Variants in COP1 observed in about 807,000 individuals in gnomAD.
The protein encoded by COP1 is E3 ubiquitin-protein ligase COP1.
COP1 carries 24 observed loss-of-function variants against 101.3 expected under a neutral mutation model. The ratio of observed to expected loss-of-function variants is 0.24; its 90% confidence interval spans 0.17 to 0.33. The LOEUF (loss-of-function observed/expected upper bound fraction) is 0.33, where lower values mean the gene tolerates loss of function less well. Among genes scored for constraint, COP1 ranks in the 10% least tolerant of loss-of-function variants. The pLI is 1.00. For missense variants in COP1, 663 were observed against 906.2 expected, an observed-to-expected ratio of 0.73 and a Z score of 3.45; for synonymous variants, 347 against 341.9, an observed-to-expected ratio of 1.01 and a Z score of -0.17.
At chr1:176,162,118 C>G (rs668154) in intron 5 of COP1, among the ~76,000 whole-genome samples, 41,964 of 152,082 alleles carry the variant, frequency 0.28, 6,786 homozygotes, top group East Asian at 0.52. Context: ...CAACAACATT[C>G]AAATCCCTAT....
At position 176,205,068 on chromosome 1, in the gene COP1, T is replaced by C. The variant is rs1448082663; in HGVS notation, c.407+1504A>G. ...TTGAATGACAATGATCGATTCCTTA[T>C]TCCTCACATCTTTTACTTTATTTTA... is the stretch of plus-strand genomic sequence containing the variant. On this transcript the variant is annotated intron_variant, in intron 1 of 19. Transcript: ENST00000367669. Among the ~76,000 whole-genome samples the C allele has an allele frequency of 4.6e-5, 7 of 152,246 alleles. No individual in the cohort carries two copies. In the South Asian group the frequency reaches 1.2e-3, roughly 27 times the overall value.
At chr1:175,971,625 T>C (rs951052931) in intron 18 of COP1, among the ~76,000 whole-genome samples, 1 of 152,188 alleles carries the variant, frequency 6.6e-6, no homozygotes, top group African/African-American at 2.4e-5. Context: ...CCTTGCCCTA[T>C]GCATCTCTTC....
At chr1:175,975,175 T>C (rs147055563) in intron 18 of COP1, among the ~76,000 whole-genome samples, 1 of 152,260 alleles carries the variant, frequency 6.6e-6, no homozygotes, top group East Asian at 1.9e-4. Flanking sequence ...ACATAGGATA[T>C]ATAAAAGCTT....
chr1:175,963,463 G>A (rs979124186), intron 18 of COP1, among the ~76,000 whole-genome samples: 2 of 152,048 alleles, frequency 1.3e-5, no homozygotes, highest in South Asian at 2.1e-4. Context: ...CAGCCAGCCC[G>A]ACCTGGGTTC....
chr1:176,027,027 ACC>A (rs1278833002), intron 15 of COP1, among the ~76,000 whole-genome samples: 1 of 152,122 alleles, frequency 6.6e-6, no homozygotes, highest in Non-Finnish European at 1.5e-5. Context: ...ACATATGGTC[ACC>A]CTAGTTAAGA....
At chr1:176,165,610 A>G (rs1572632997) in intron 3 of COP1, among the ~76,000 whole-genome samples, 1 of 152,114 alleles carries the variant, frequency 6.6e-6, no homozygotes, top group Admixed American at 6.5e-5. Flanking sequence ...AAGGAGAATC[A>G]CTTGAACCCA....
In COP1 at chr1:176,022,189, C is replaced by T. The variant is rs1318334928; in HGVS notation, c.1729+5383G>A. Among the ~76,000 whole-genome samples, 3 of 151,950 alleles carry T rather than the reference C, an allele frequency of 2.0e-5. No homozygotes were observed. In the East Asian group the frequency reaches 5.8e-4, roughly 29 times the overall value. On this transcript the variant is annotated intron_variant, in intron 15 of 19. Transcript: ENST00000367669. ...TGAAAAAGGTGAAAGAACAAAATAA[C>T]AAAATAAAAGTACAAAGAGAAACAA...
intron 9 of COP1, among the ~76,000 whole-genome samples, chr1:176,107,720 C>T (rs887828486): frequency 9.9e-5 from 15 of 152,116 alleles, no homozygotes; most frequent in Non-Finnish European, 2.1e-4. Flanking sequence ...TGAAATCTGG[C>T]AGCCACCATT....
chr1:176,181,460 T>C (rs1205312503), intron 2 of COP1, among the ~76,000 whole-genome samples: 3 of 151,634 alleles, frequency 2.0e-5, no homozygotes, highest in Non-Finnish European at 4.4e-5. Flanking sequence ...GCAAGCCTGA[T>C]GTTGGAATTG....
chr1:176,182,035 G>A (rs1390772295), intron 2 of COP1, among the ~76,000 whole-genome samples: 1 of 152,094 alleles, frequency 6.6e-6, no homozygotes, highest in Non-Finnish European at 1.5e-5. Flanking sequence ...TTATTGAAAA[G>A]CCCTAGCCTG....
intron 15 of COP1, among the ~76,000 whole-genome samples, chr1:176,027,057 G>C (rs930311740): frequency 6.6e-6 from 1 of 152,070 alleles, no homozygotes; most frequent in Admixed American, 6.6e-5. Context: ...TTTACCAAAT[G>C]ATTATTTGGT....
intron 15 of COP1, among the ~76,000 whole-genome samples, chr1:176,019,376 T>C (rs1159008768): frequency 6.6e-6 from 1 of 150,612 alleles, no homozygotes; most frequent in Non-Finnish European, 1.5e-5. Context: ...GGCAGGAGAA[T>C]CACTTGAACC....
intron 18 of COP1, among the ~76,000 whole-genome samples, chr1:175,951,613 T>C (rs1465484449): frequency 1.3e-5 from 2 of 151,738 alleles, no homozygotes; most frequent in Non-Finnish European, 2.9e-5. Context: ...ACAAATGAAG[T>C]GAGTCCTATA....
chr1:175,994,815 T>C (rs1659684115), intron 15 of COP1, among the ~76,000 whole-genome samples: 1 of 152,206 alleles, frequency 6.6e-6, no homozygotes, highest in South Asian at 2.1e-4. Context: ...AACACGCCAC[T>C]GTCAACATTA....
Position 175,967,521 on chromosome 1 carries a change from A to C in COP1, c.2133+19422T>G, listed in dbSNP as rs193203050. 1.7e-3 allele frequency among the ~76,000 whole-genome samples: 216 copies of C among 126,656 alleles called. 1 individual carries two copies. The highest frequency in any genetic ancestry group is 5.7e-3 in the African/African-American group (206 of 36,422). 83.1% of individuals were successfully genotyped at this position (126,656 alleles called of 152,430 possible). The stretch of plus-strand genomic sequence containing the variant: ...CAAACAAACAAACAAACAAACAAAC[A>C]AACCCAGCTGTGGCTGCTGTAAGTT... On this transcript the variant is annotated intron_variant, in intron 18 of 19. Transcript: ENST00000367669.
At chr1:176,155,099 T>C (rs1693244467) in intron 5 of COP1, among the ~76,000 whole-genome samples, 1 of 152,116 alleles carries the variant, frequency 6.6e-6, no homozygotes, top group Non-Finnish European at 1.5e-5. Flanking sequence ...ACTTTCACAG[T>C]ACAAATCATT....
chr1:176,080,264 T>C (rs1013858433), intron 11 of COP1, among the ~76,000 whole-genome samples: 2 of 152,154 alleles, frequency 1.3e-5, no homozygotes, highest in African/African-American at 4.8e-5. Context: ...TTTTTTGTGA[T>C]GTGGCTAATA....
intron 9 of COP1, among the ~76,000 whole-genome samples, chr1:176,102,164 GTC>G (rs1303433587): frequency 6.6e-6 from 1 of 152,156 alleles, no homozygotes; most frequent in Non-Finnish European, 1.5e-5. Context: ...GAGGAGCCTG[GTC>G]TCTCTTGTCC....
At chr1:176,053,727 T>C (rs1672967199) in intron 11 of COP1, among the ~76,000 whole-genome samples, 1 of 152,236 alleles carries the variant, frequency 6.6e-6, no homozygotes, top group African/African-American at 2.4e-5. Context: ...GCCATTGTGA[T>C]CTAAAAATCT....
Sources: gnomAD v4.1 joint callset for allele counts (sites outside exome capture counted in the v4.1 genomes callset) on GRCh38, gnomAD v4.1.1 for gene constraint, MANE v1.5 for transcripts, NCBI Gene and HGNC (gene_info 2026-07-23, HGNC 2026-07-21) for gene names.